The following MTSS1 variants were observed in gnomAD, a reference collection of about 807,000 sequenced individuals.
MTSS1 encodes the protein protein MTSS 1.
MTSS1 carries 18 observed loss-of-function variants against 79.0 expected under a neutral mutation model. That is an observed-to-expected ratio of 0.23 (90% CI 0.16 to 0.34). MTSS1 has a LOEUF of 0.34. Ranked by LOEUF, MTSS1 falls within the 10% of genes least tolerant of loss-of-function variation. The pLI, the probability that MTSS1 is intolerant of heterozygous loss-of-function variation, is 1.00. For synonymous variants in MTSS1, 341 were observed against 368.6 expected, an observed-to-expected ratio of 0.93 and a Z score of 0.86; for missense variants, 815 against 986.2, an observed-to-expected ratio of 0.83 and a Z score of 2.33.
At chr8:124,712,539 A>G (rs935778251) in intron 1 of MTSS1, among the ~76,000 whole-genome samples, 1 of 152,118 alleles carries the variant, frequency 6.6e-6, no homozygotes, top group Non-Finnish European at 1.5e-5. Context: ...TTTGTCCCCA[A>G]AACCACCCTT....
At chr8:124,619,528 G>A (rs1325632539) in intron 3 of MTSS1, 1 of 152,238 alleles carries the variant, frequency 6.6e-6, no homozygotes, top group Non-Finnish European at 1.5e-5. Flanking sequence ...GCATGGCACA[G>A]AGCAGCACTC....
chr8:124,633,419 C>A (rs58817421), intron 3 of MTSS1, among the ~76,000 whole-genome samples: 4,260 of 152,206 alleles, frequency 0.028, 171 homozygotes, highest in African/African-American at 0.097. Context: ...TAGTCTTGGG[C>A]CTTAGCTCTG....
intron 3 of MTSS1, among the ~76,000 whole-genome samples, chr8:124,614,023 G>C (rs536174486): frequency 1.3e-5 from 2 of 152,126 alleles, no homozygotes; most frequent in East Asian, 1.9e-4. Context: ...AACTAGCCAG[G>C]CTTGGTGGTC....
At chr8:124,558,985 G>A (rs1487580956) in intron 10 of MTSS1, among the ~76,000 whole-genome samples, 1 of 152,206 alleles carries the variant, frequency 6.6e-6, no homozygotes, top group Non-Finnish European at 1.5e-5. Flanking sequence ...AGGGGAGGAT[G>A]AGAGAAGCAG....
chr8:124,718,408 C>T (rs1832418227), intron 1 of MTSS1, among the ~76,000 whole-genome samples: 1 of 152,058 alleles, frequency 6.6e-6, no homozygotes, highest in South Asian at 2.1e-4. Context: ...GTCCCTCCAG[C>T]GGAGGCTCAG....
In MTSS1 at chr8:124,556,431, G is replaced by A. The variant is rs755705849; in HGVS notation, c.1231-26C>T. On this transcript the variant is annotated intron_variant, in intron 11 of 13. Coordinates refer to ENST00000518547, the MANE Select transcript of MTSS1 (RefSeq NM_014751.6). ...CTATGCAAAACAAGTGCGGTCAGGAGCCAGGGCCTCTGCCTCCACTGGAGG... is the reference window on the plus strand; with the variant it reads ...CTATGCAAAACAAGTGCGGTCAGGAACCAGGGCCTCTGCCTCCACTGGAGG... 8 of 1,583,876 alleles carry A rather than the reference G, an allele frequency of 5.1e-6. No individual in the cohort carries two copies. The East Asian group carries it at 1.6e-4, about 31-fold the overall frequency.
intron 3 of MTSS1, 45 bp downstream of exon 3, chr8:124,699,481 G>A (rs201527487): frequency 1.6e-5 from 25 of 1,562,898 alleles, no homozygotes; most frequent in East Asian, 1.6e-4. Context: ...AAGAGTCCAC[G>A]TGCAGAATGC....
At chr8:124,600,635 G>C (rs1391737351) in intron 3 of MTSS1, among the ~76,000 whole-genome samples, 1 of 152,166 alleles carries the variant, frequency 6.6e-6, no homozygotes, top group Non-Finnish European at 1.5e-5. Flanking sequence ...AATGTGGCTG[G>C]GCTGGGGCAT....
intron 1 of MTSS1, among the ~76,000 whole-genome samples, chr8:124,709,322 T>C (rs1247368443): frequency 6.6e-6 from 1 of 151,896 alleles, no homozygotes; most frequent in Non-Finnish European, 1.5e-5. Context: ...CTGAGGTTGC[T>C]GGCTGAGCTC....
At chr8:124,571,716 A>G (rs1827819062) in intron 6 of MTSS1, among the ~76,000 whole-genome samples, 2 of 152,248 alleles carry the variant, frequency 1.3e-5, no homozygotes, top group Admixed American at 1.3e-4. Context: ...TTCTAATCCC[A>G]GCACTTTGGG....
At chr8:124,685,296 T>A (rs551589712) in intron 3 of MTSS1, among the ~76,000 whole-genome samples, 1 of 152,302 alleles carries the variant, frequency 6.6e-6, no homozygotes, top group East Asian at 1.9e-4. Context: ...TAAAAATGAT[T>A]AGTTTTATGT....
At chr8:124,591,352 T>C (rs1237571521) in intron 3 of MTSS1, 117 bp from the exon 4 acceptor site, 1 of 805,284 alleles carries the variant, frequency 1.2e-6, no homozygotes, top group Non-Finnish European at 2.1e-6. Flanking sequence ...TAAGCCACCA[T>C]CTTTAGAAGC....
intron 3 of MTSS1, among the ~76,000 whole-genome samples, chr8:124,675,148 A>G (rs1243984480): frequency 1.3e-5 from 2 of 152,240 alleles, no homozygotes; most frequent in East Asian, 3.8e-4. Context: ...CTGCCCTCCG[A>G]GGGGCAGAAT....
chr8:124,707,404 C>G (rs1300890937), intron 1 of MTSS1, among the ~76,000 whole-genome samples: 1 of 148,280 alleles, frequency 6.7e-6, no homozygotes, highest in Non-Finnish European at 1.5e-5. Context: ...AAAAAAAAAA[C>G]AAACAAACAA....
At chr8:124,698,909 T>C (rs923452728) in intron 3 of MTSS1, among the ~76,000 whole-genome samples, 1 of 152,248 alleles carries the variant, frequency 6.6e-6, no homozygotes, top group Non-Finnish European at 1.5e-5. Flanking sequence ...AACTTTTATA[T>C]GATTCAGTAC....
intron 3 of MTSS1, among the ~76,000 whole-genome samples, chr8:124,602,756 T>A (rs1037179801): frequency 2.0e-5 from 3 of 152,146 alleles, no homozygotes; most frequent in African/African-American, 7.2e-5. Flanking sequence ...TCTTAGGTGA[T>A]CTCCAGGTTA....
intron 3 of MTSS1, among the ~76,000 whole-genome samples, chr8:124,655,420 A>G (rs1407825656): frequency 2.0e-5 from 3 of 152,198 alleles, no homozygotes; most frequent in Non-Finnish European, 4.4e-5. Flanking sequence ...AAGAGCACAG[A>G]GAGTCAGATA....
At position 124,582,196 on chromosome 8, in the gene MTSS1, C is replaced by T. The variant is rs1830164490; in HGVS notation, c.460+2891G>A. Among the ~76,000 whole-genome samples, 1 of 152,200 alleles carries T rather than the reference C, an allele frequency of 6.6e-6. No individual in the cohort carries two copies. The highest frequency in any genetic ancestry group is 1.5e-5 in the Non-Finnish European group (1 of 68,036). On this transcript the variant is annotated intron_variant, in intron 6 of 13. Coordinates refer to ENST00000518547, the MANE Select transcript of MTSS1 (RefSeq NM_014751.6). The surrounding 1 kb of genome is among the most constrained non-coding windows in gnomAD (Gnocchi z 4.8). ...TGCCTTCAAGAAAAACAGGCACACT[C>T]ATCCACAGCCATAGCATATCCCAAG...
intron 3 of MTSS1, among the ~76,000 whole-genome samples, chr8:124,674,304 C>T (rs1202068554): frequency 6.6e-6 from 1 of 152,086 alleles, no homozygotes; most frequent in Non-Finnish European, 1.5e-5. Context: ...TTAATTTTCT[C>T]TTATGTCAAT....
Sources: gnomAD v4.1 joint callset for allele counts (sites outside exome capture counted in the v4.1 genomes callset) on GRCh38, gnomAD v4.1.1 for gene constraint, Gnocchi (gnomAD v3.1) non-coding constraint, MANE v1.5 for transcripts, NCBI Gene and HGNC (gene_info 2026-07-23, HGNC 2026-07-21) for gene names.